Variants in NLGN4Y observed in about 807,000 individuals in gnomAD.
The protein encoded by NLGN4Y is neuroligin-4, Y-linked.
A neutral mutation model predicts 8.4 loss-of-function variants in NLGN4Y; 4 were observed. The observed-to-expected ratio is 0.48, with a 90% CI of 0.23 to 1.09. The LOEUF is 1.09. NLGN4Y is among the 50% of genes least tolerant of loss of function. The probability of loss-of-function intolerance (pLI) is 0.19; values close to 1 mark genes in which losing one functional copy is unlikely to be tolerated. For missense variants in NLGN4Y, 90 were observed against 192.3 expected (o/e 0.47, Z 3.15); for synonymous variants, 35 against 75.6 (o/e 0.46, Z 2.78).
intron 2 of NLGN4Y, among the ~76,000 whole-genome samples, chrY:14,710,246 G>T: frequency 3.0e-5 from 1 of 33,642 alleles, no homozygotes; most frequent in Non-Finnish European, 7.4e-5. Flanking sequence ...GGGCATAGTG[G>T]CTTTCACCTG....
chrY:14,730,759 C>CT lies in NLGN4Y; in HGVS notation c.685+7496dup, dbSNP rs2080968846. On this transcript the variant is annotated intron_variant, in intron 4 of 6. Transcript: ENST00000684976. The stretch of plus-strand genomic sequence containing the variant: ...TCCCTGCAAAACACATAATTTCATT[C>CT]TTTTTTATGACTGACTACTGAGTTG... Among the ~76,000 whole-genome samples, 5 of 33,239 alleles carry CT rather than the reference C, an allele frequency of 1.5e-4. No homozygotes were observed. In the East Asian group the frequency reaches 4.0e-3, roughly 26 times the overall value. 89.2% of individuals were successfully genotyped at this position (33,239 alleles called of 37,273 possible).
intron 4 of NLGN4Y, chrY:14,751,589 G>T: frequency 3.2e-5 from 1 of 31,218 alleles, no homozygotes; most frequent in Non-Finnish European, 7.7e-5. Context: ...GTTTTATTTT[G>T]ATTAGAGTAC....
At chrY:14,718,543 A>G (rs2080923901) in intron 2 of NLGN4Y, among the ~76,000 whole-genome samples, 1 of 33,570 alleles carries the variant, frequency 3.0e-5, no homozygotes, top group East Asian at 7.9e-4. Flanking sequence ...TGGAAGCTAT[A>G]AAAAGCAAAA....
intron 2 of NLGN4Y, among the ~76,000 whole-genome samples, chrY:14,703,008 T>G: frequency 3.0e-5 from 1 of 33,461 alleles, no homozygotes; most frequent in African/African-American, 1.2e-4. Context: ...TTGATGGGTT[T>G]TTTTGTTTTT....
chrY:14,569,509 C>T lies in NLGN4Y; in HGVS notation c.-112+44801C>T. Among the ~76,000 whole-genome samples, 3 of 33,582 alleles carry T rather than the reference C, an allele frequency of 8.9e-5. No homozygotes were observed. The East Asian group carries it at 2.3e-3, about 26-fold the overall frequency. The allele number at this position is 33,582 out of a possible 37,273, so 90.1% of individuals were successfully genotyped here. A position where few individuals can be genotyped will look rare whatever the true frequency, so the allele number is the denominator to read the frequency against. Reference sequence around the variant, plus strand: ...GCATGTATACCACATTTTCTTTATTCCACCACTGATAAGCATCCAGGTTGA... The same window carrying T: ...GCATGTATACCACATTTTCTTTATTTCACCACTGATAAGCATCCAGGTTGA... On this transcript the variant is annotated intron_variant, in intron 1 of 6. Transcript: ENST00000684976.
At chrY:14,650,853 C>T in intron 2 of NLGN4Y, among the ~76,000 whole-genome samples, 1 of 32,118 alleles carries the variant, frequency 3.1e-5, no homozygotes, top group African/African-American at 1.2e-4. Context: ...GACCTACCTA[C>T]GAGGGAGGGA....
intron 4 of NLGN4Y, among the ~76,000 whole-genome samples, chrY:14,821,334 G>A (rs2043121467): frequency 3.0e-5 from 1 of 33,760 alleles, no homozygotes; most frequent in South Asian, 6.7e-4. Context: ...TCCACAGAAT[G>A]GAAGAGGACC....
intron 1 of NLGN4Y, among the ~76,000 whole-genome samples, chrY:14,569,480 C>T: frequency 3.6e-4 from 12 of 33,674 alleles, no homozygotes. Flanking sequence ...TAGTATTCCA[C>T]AGTGCATGTA....
At chrY:14,677,554 A>G (rs2080753409) in intron 2 of NLGN4Y, among the ~76,000 whole-genome samples, 1 of 32,443 alleles carries the variant, frequency 3.1e-5, no homozygotes, top group Non-Finnish European at 7.5e-5. Flanking sequence ...TATAGGCTGT[A>G]TCTTGATGAC....
intron 4 of NLGN4Y, among the ~76,000 whole-genome samples, chrY:14,817,134 G>T: frequency 3.0e-5 from 1 of 33,445 alleles, no homozygotes; most frequent in Non-Finnish European, 7.4e-5. Flanking sequence ...CACTTAGTGC[G>T]TCTGAATAAG....
chrY:14,675,027 T>C (rs948703857), intron 2 of NLGN4Y, among the ~76,000 whole-genome samples: 1 of 33,344 alleles, frequency 3.0e-5, no homozygotes, highest in Non-Finnish European at 7.4e-5. Context: ...GAATAATTAA[T>C]GTTACATACA....
chrY:14,564,842 C>T, intron 1 of NLGN4Y, among the ~76,000 whole-genome samples: 1 of 33,578 alleles, frequency 3.0e-5, no homozygotes, highest in East Asian at 8.1e-4. Flanking sequence ...GAGGAAAGAA[C>T]AAGCAGCAAT....
At chrY:14,537,708 G>A (rs773981330) in intron 1 of NLGN4Y, among the ~76,000 whole-genome samples, 51 of 33,584 alleles carry the variant, frequency 1.5e-3, no homozygotes, top group Non-Finnish European at 2.3e-3. Context: ...AGCACTTTGA[G>A]AAGCCAAGGC....
rs2080970771 is a variant in NLGN4Y, at chrY:14,731,031, GTA to G, written c.685+7765_685+7766del. On this transcript the variant is annotated intron_variant, in intron 4 of 6. Coordinates refer to ENST00000684976, the MANE Select transcript of NLGN4Y (RefSeq NM_001365588.1). ...TGTGTGTGTGTGTGTGTGTGTGTGT[GTA>G]TAGTTCTTGTTTGTTTTTTTGAGAC... Among the ~76,000 whole-genome samples, 52 of 28,191 alleles carry G rather than the reference GTA, an allele frequency of 1.8e-3. No homozygotes were observed. The East Asian group carries it at 0.055, about 30-fold the overall frequency. The allele number at this position is 28,191 out of a possible 37,273, so 75.6% of individuals were successfully genotyped here. A position where few individuals can be genotyped will look rare whatever the true frequency, so the allele number is the denominator to read the frequency against.
rs967932995 is a variant in NLGN4Y at position 14,623,725 on chromosome Y, C to T, written c.472+1134C>T. 1.2e-4 allele frequency among the ~76,000 whole-genome samples: 4 copies of T among 33,783 alleles called. No homozygotes were observed. The South Asian group carries it at 2.6e-3, about 22-fold the overall frequency. The allele number at this position is 33,783 out of a possible 37,273, so 90.6% of individuals were successfully genotyped here. On this transcript the variant is annotated intron_variant, in intron 2 of 6. Transcript: ENST00000684976. ...TATTGCATCTGTCAGATTACTCTCTCTCCAGGTAATTGCTAGTTAGTCTAA... is the reference window on the plus strand; with the variant it reads ...TATTGCATCTGTCAGATTACTCTCTTTCCAGGTAATTGCTAGTTAGTCTAA...
At chrY:14,702,820 C>T (rs2080857894) in intron 2 of NLGN4Y, among the ~76,000 whole-genome samples, 1 of 32,747 alleles carries the variant, frequency 3.1e-5, no homozygotes, top group Admixed American at 2.8e-4. Flanking sequence ...CTCTCCAGCA[C>T]CTGTTGTTTC....
At chrY:14,633,998 A>C in intron 2 of NLGN4Y, among the ~76,000 whole-genome samples, 1 of 33,602 alleles carries the variant, frequency 3.0e-5, no homozygotes, top group African/African-American at 1.2e-4. Context: ...TCCTTGGTGC[A>C]ATCACAGCCA....
intron 4 of NLGN4Y, among the ~76,000 whole-genome samples, chrY:14,744,435 A>C: frequency 3.0e-5 from 1 of 33,775 alleles, no homozygotes; most frequent in African/African-American, 1.2e-4. Context: ...CTCATTGACA[A>C]GCACTAATTA....
chrY:14,706,801 T>A lies in NLGN4Y; in HGVS notation c.473-12658T>A, dbSNP rs74448989. Reference sequence around the variant, plus strand: ...TGATAATCTCATTTAAAAAAAAATATATATATATATATATATATATGTATG... The same window carrying A: ...TGATAATCTCATTTAAAAAAAAATAAATATATATATATATATATATGTATG... On this transcript the variant is annotated intron_variant, in intron 2 of 6. Coordinates refer to ENST00000684976, the MANE Select transcript of NLGN4Y (RefSeq NM_001365588.1). 0.04 allele frequency among the ~76,000 whole-genome samples: 786 copies of A among 19,821 alleles called. No homozygotes were observed. The East Asian group carries it at 0.77, about 19-fold the overall frequency. 53.2% of individuals were successfully genotyped at this position (19,821 alleles called of 37,273 possible).
Sources: gnomAD v4.1 joint callset for allele counts (sites outside exome capture counted in the v4.1 genomes callset) on GRCh38, gnomAD v4.1.1 for gene constraint, MANE v1.5 for transcripts, NCBI Gene and HGNC (gene_info 2026-07-23, HGNC 2026-07-21) for gene names.